The following CDH13 variants were observed in gnomAD, a reference collection of about 807,000 sequenced individuals.
The protein encoded by CDH13 is cadherin 13.
A neutral mutation model predicts 63.8 loss-of-function variants in CDH13; 24 were observed. The ratio of observed to expected loss-of-function variants is 0.38; its 90% CI spans 0.27 to 0.53. The LOEUF (loss-of-function observed/expected upper bound fraction) is 0.53. Ranked by LOEUF, CDH13 falls within the 20% of genes least tolerant of loss-of-function variation. The pLI is 0.85. For synonymous variants in CDH13, 503 were observed against 355.3 expected (o/e 1.42, Z -4.67); for missense variants, 1,049 against 903.1 (o/e 1.16, Z -2.07).
chr16:83,187,202 C>G (rs972859112), intron 4 of CDH13, among the ~76,000 whole-genome samples: 2 of 152,128 alleles, frequency 1.3e-5, no homozygotes, highest in African/African-American at 2.4e-5. Flanking sequence ...AACTCCTGGC[C>G]TCAGGTGATC....
At chr16:82,759,505 A>C (rs1010516246) in intron 1 of CDH13, among the ~76,000 whole-genome samples, 2 of 151,350 alleles carry the variant, frequency 1.3e-5, no homozygotes, top group Admixed American at 6.6e-5. Context: ...TAAATAGGGG[A>C]TTGTATATTA....
At chr16:83,264,406 T>C (rs1438908077) in intron 5 of CDH13, among the ~76,000 whole-genome samples, 1 of 152,134 alleles carries the variant, frequency 6.6e-6, no homozygotes, top group Non-Finnish European at 1.5e-5. Flanking sequence ...ATATTTAACT[T>C]CATCAATAAC....
At chr16:82,845,029 T>C (rs1363581242) in intron 1 of CDH13, among the ~76,000 whole-genome samples, 2 of 152,094 alleles carry the variant, frequency 1.3e-5, no homozygotes, top group East Asian at 1.9e-4. Context: ...CACGCGGGCA[T>C]GTTTTCCTGA....
At chr16:83,308,813 G>A (rs55634479) in intron 5 of CDH13, among the ~76,000 whole-genome samples, 4,202 of 152,320 alleles carry the variant, frequency 0.028, 178 homozygotes, top group African/African-American at 0.093. Context: ...GAGGGAGCCT[G>A]AGAATCTTTG....
At chr16:83,519,884 C>T (rs1185442344) in intron 7 of CDH13, among the ~76,000 whole-genome samples, 1 of 151,846 alleles carries the variant, frequency 6.6e-6, no homozygotes, top group Admixed American at 6.6e-5. Flanking sequence ...AAGGAAGAGT[C>T]GCAGATGATC....
intron 1 of CDH13, among the ~76,000 whole-genome samples, chr16:82,688,438 C>G (rs1915304337): frequency 6.6e-6 from 1 of 152,220 alleles, no homozygotes. Context: ...AATAATGAAG[C>G]TCACAAGTTC....
chr16:83,352,336 A>G (rs1009535522), intron 6 of CDH13, among the ~76,000 whole-genome samples: 29 of 152,350 alleles, frequency 1.9e-4, no homozygotes, highest in African/African-American at 7.0e-4. Context: ...TAGTCGTTCA[A>G]GAGGAAAGCG....
chr16:83,706,841 C>T (rs147588364), intron 10 of CDH13, among the ~76,000 whole-genome samples: 1 of 152,194 alleles, frequency 6.6e-6, no homozygotes, highest in African/African-American at 2.4e-5. Context: ...GACAAATCAG[C>T]TCCAAGTATT....
intron 1 of CDH13, among the ~76,000 whole-genome samples, chr16:82,849,700 A>G (rs2039402117): frequency 6.6e-6 from 1 of 152,248 alleles, no homozygotes. Flanking sequence ...GAGAAGAAGT[A>G]AAGGACAAGC....
At position 83,474,815 on chromosome 16, in the gene CDH13, C is replaced by G. The variant is rs112977752; in HGVS notation, c.782-11662C>G. ...AGGCACTCCCAGAGAAGGTCCAAGC[C>G]TAGAGCAGTGACTGTTTGACTTCTG... On this transcript the variant is annotated intron_variant, in intron 6 of 13. Transcript: ENST00000567109. Among the ~76,000 whole-genome samples the G allele has an allele frequency of 5.3e-3, 800 of 152,322 alleles. 6 individuals carry two copies. Among genetic ancestry groups the G allele is most frequent in the African/African-American group, 0.018 (752 of 41,586 alleles).
At chr16:83,415,274 T>A (rs533328467) in intron 6 of CDH13, among the ~76,000 whole-genome samples, 116 of 152,268 alleles carry the variant, frequency 7.6e-4, no homozygotes, top group African/African-American at 2.7e-3. Context: ...ATAGGGAGAT[T>A]GAATCGGTAA....
intron 3 of CDH13, among the ~76,000 whole-genome samples, chr16:83,117,636 A>G (rs941882195): frequency 2.0e-5 from 3 of 151,750 alleles, no homozygotes; most frequent in Admixed American, 2.0e-4. Context: ...GCAGAGAGAA[A>G]GGGCTTGGTT....
intron 2 of CDH13, among the ~76,000 whole-genome samples, chr16:82,881,299 A>G (rs1428815322): frequency 6.6e-6 from 1 of 151,920 alleles, no homozygotes; most frequent in Non-Finnish European, 1.5e-5. Flanking sequence ...TCAGATGAGG[A>G]TTGGTGTGTA....
At chr16:82,962,459 G>A (rs1230977995) in intron 2 of CDH13, among the ~76,000 whole-genome samples, 2 of 152,166 alleles carry the variant, frequency 1.3e-5, no homozygotes, top group Non-Finnish European at 2.9e-5. Flanking sequence ...ATTTGGTATG[G>A]CAGCAATAGG....
intron 10 of CDH13, among the ~76,000 whole-genome samples, chr16:83,706,474 G>T (rs1328695142): frequency 6.6e-6 from 1 of 152,186 alleles, no homozygotes; most frequent in African/African-American, 2.4e-5. Context: ...TCTGCATGAA[G>T]AGAGAACAGA....
intron 4 of CDH13, among the ~76,000 whole-genome samples, chr16:83,214,579 C>CAAGAAA (rs2039439052): frequency 2.5e-5 from 1 of 39,780 alleles, no homozygotes; most frequent in African/African-American, 8.8e-5. Context: ...GACTCTGTCT[C>CAAGAAA]AAAAAAAAAA....
chr16:83,454,310 A>T (rs751820922), intron 6 of CDH13, among the ~76,000 whole-genome samples: 21 of 152,266 alleles, frequency 1.4e-4, no homozygotes, highest in Admixed American at 3.9e-4. Context: ...TTTTGTGTGC[A>T]TGATACACAT....
At chr16:83,775,133 A>C (rs1219970575) in intron 11 of CDH13, among the ~76,000 whole-genome samples, 1 of 151,752 alleles carries the variant, frequency 6.6e-6, no homozygotes, top group Non-Finnish European at 1.5e-5. Flanking sequence ...GCTCTAGAGA[A>C]GGAGGCCTGA....
chr16:83,312,605 A>G (rs1388099652), intron 5 of CDH13, among the ~76,000 whole-genome samples: 1 of 152,098 alleles, frequency 6.6e-6, no homozygotes, highest in Non-Finnish European at 1.5e-5. Flanking sequence ...TGTGACTGAC[A>G]CCCCTGCCAG....
Sources: gnomAD v4.1 joint callset for allele counts (sites outside exome capture counted in the v4.1 genomes callset) on GRCh38, gnomAD v4.1.1 for gene constraint, MANE v1.5 for transcripts, NCBI Gene and HGNC (gene_info 2026-07-23, HGNC 2026-07-21) for gene names.